Variants in PKIB observed in about 807,000 individuals in gnomAD.
PKIB encodes PKI-beta.
PKIB carries 2 observed loss-of-function variants against 4.5 expected under a neutral mutation model. The ratio of observed to expected loss-of-function variants is 0.44; its 90% confidence interval spans 0.18 to 1.39. The LOEUF is 1.39. PKIB is among the 40% of genes most tolerant of loss of function. The pLI is 0.27. For synonymous variants in PKIB, 38 were observed against 36.0 expected, an observed-to-expected ratio of 1.06 and a Z score of -0.20; for missense variants, 94 against 92.6, an observed-to-expected ratio of 1.02 and a Z score of -0.06.
chr6:122,512,565 C>G (rs1776616868), intron 2 of PKIB, among the ~76,000 whole-genome samples: 1 of 152,096 alleles, frequency 6.6e-6, no homozygotes, highest in African/African-American at 2.4e-5. Flanking sequence ...TCTTGGCTGG[C>G]ACTTCCACCT....
chr6:122,697,532 A>G (rs1282154603), intron 3 of PKIB, among the ~76,000 whole-genome samples: 1 of 151,998 alleles, frequency 6.6e-6, no homozygotes, highest in Non-Finnish European at 1.5e-5. Context: ...ATATATAACC[A>G]GTAAAAGCAA....
At chr6:122,707,025 A>C (rs1276618405) in intron 3 of PKIB, among the ~76,000 whole-genome samples, 1 of 152,052 alleles carries the variant, frequency 6.6e-6, no homozygotes, top group Non-Finnish European at 1.5e-5. Flanking sequence ...GTACTAAAGG[A>C]CTATAGTAAC....
At chr6:122,512,221 A>G (rs1776609028) in intron 2 of PKIB, among the ~76,000 whole-genome samples, 3 of 152,226 alleles carry the variant, frequency 2.0e-5, no homozygotes, top group African/African-American at 7.2e-5. Context: ...GAAAATGTCA[A>G]TACTTAAAAT....
intron 1 of PKIB, among the ~76,000 whole-genome samples, chr6:122,620,500 T>C (rs1775181273): frequency 6.6e-6 from 1 of 152,354 alleles, no homozygotes; most frequent in South Asian, 2.1e-4. Context: ...TTGTGTTGCT[T>C]GGTTTAACTT....
At chr6:122,703,447 T>C (rs1778915289) in intron 3 of PKIB, among the ~76,000 whole-genome samples, 1 of 152,110 alleles carries the variant, frequency 6.6e-6, no homozygotes, top group Non-Finnish European at 1.5e-5. Flanking sequence ...ACTACTGTTT[T>C]TATTTCAATT....
chr6:122,678,637 A>G (rs1293964961), intron 3 of PKIB, among the ~76,000 whole-genome samples: 1 of 152,156 alleles, frequency 6.6e-6, no homozygotes, highest in Non-Finnish European at 1.5e-5. Context: ...TGGGTACCAG[A>G]GATGTAAAAT....
At chr6:122,666,581 C>T (rs1777227368) in intron 2 of PKIB, among the ~76,000 whole-genome samples, 1 of 152,096 alleles carries the variant, frequency 6.6e-6, no homozygotes, top group African/African-American at 2.4e-5. Context: ...CTTGAGCTGC[C>T]CTCATGGGCG....
In PKIB at chr6:122,538,720, T is replaced by A. The variant is rs1466821785; in HGVS notation, c.-247-47201T>A. 2.0e-5 allele frequency among the ~76,000 whole-genome samples: 3 copies of A among 152,052 alleles called. 1 individual carries two copies. The highest frequency in any genetic ancestry group is 7.3e-5 in the African/African-American group (3 of 41,340). On this transcript the variant is annotated intron_variant, in intron 2 of 6. Transcript: ENST00000392491. Reference sequence around the variant, plus strand: ...GTTTTTTCCAATTCTGTGAAGAAAGTCATTGGTAGCTTGATGGGGATGGCA... The same window carrying A: ...GTTTTTTCCAATTCTGTGAAGAAAGACATTGGTAGCTTGATGGGGATGGCA...
intron 2 of PKIB, among the ~76,000 whole-genome samples, chr6:122,564,037 C>A (rs1379595255): frequency 1.3e-5 from 2 of 152,188 alleles, no homozygotes; most frequent in Non-Finnish European, 2.9e-5. Flanking sequence ...TGTAGTTTTA[C>A]CCTCACTTGG....
intron 2 of PKIB, among the ~76,000 whole-genome samples, chr6:122,511,516 A>T (rs1487329000): frequency 6.6e-6 from 1 of 152,048 alleles, no homozygotes; most frequent in African/African-American, 2.4e-5. Context: ...TCTTCACTGG[A>T]TTCTTTTGGG....
intron 3 of PKIB, among the ~76,000 whole-genome samples, chr6:122,597,929 A>G (rs1171052284): frequency 2.0e-5 from 3 of 152,204 alleles, no homozygotes; most frequent in African/African-American, 7.2e-5. Context: ...GGAGGAACAC[A>G]GTGACATTTT....
intron 2 of PKIB, among the ~76,000 whole-genome samples, chr6:122,581,463 A>C (rs978564402): frequency 6.6e-6 from 1 of 152,194 alleles, no homozygotes; most frequent in East Asian, 1.9e-4. Flanking sequence ...GAATTAATGC[A>C]AATTACTTGG....
At chr6:122,594,481 A>G (rs1774113665) in intron 3 of PKIB, among the ~76,000 whole-genome samples, 1 of 152,210 alleles carries the variant, frequency 6.6e-6, no homozygotes, top group Non-Finnish European at 1.5e-5. Context: ...CTGGGATTAG[A>G]GGCATGAACC....
chr6:122,708,035 G>T (rs1436069503), intron 3 of PKIB, among the ~76,000 whole-genome samples: 4 of 152,120 alleles, frequency 2.6e-5, no homozygotes, highest in Admixed American at 6.6e-5. Context: ...ATCAGGCATG[G>T]CTTTTGGTCC....
chr6:122,548,485 A>T (rs1000531572), intron 2 of PKIB, among the ~76,000 whole-genome samples: 1 of 152,230 alleles, frequency 6.6e-6, no homozygotes, highest in African/African-American at 2.4e-5. Flanking sequence ...AAGGACATCA[A>T]ATATTTATTC....
At chr6:122,474,894 T>C (rs1291133453) in intron 1 of PKIB, among the ~76,000 whole-genome samples, 1 of 152,214 alleles carries the variant, frequency 6.6e-6, no homozygotes, top group Admixed American at 6.5e-5. Flanking sequence ...ATCCTAGCCA[T>C]AGTAAAAATT....
intron 2 of PKIB, among the ~76,000 whole-genome samples, chr6:122,517,493 A>G (rs1776797506): frequency 6.6e-6 from 1 of 152,198 alleles, no homozygotes; most frequent in African/African-American, 2.4e-5. Flanking sequence ...GCGAAAGTCC[A>G]GAGGGAAAAT....
chr6:122,545,611 A>G (rs1328196549), intron 2 of PKIB, among the ~76,000 whole-genome samples: 1 of 150,988 alleles, frequency 6.6e-6, no homozygotes, highest in African/African-American at 2.4e-5. Flanking sequence ...ACCCACAAAT[A>G]GGGCCTGGTG....
At chr6:122,703,941 TAGAGAGAGAGAGAG>T (rs71021419) in intron 3 of PKIB, among the ~76,000 whole-genome samples, 1,768 of 90,758 alleles carry the variant, frequency 0.019, 33 homozygotes, top group African/African-American at 0.061. Flanking sequence ...TATATATATA[TAGAGAGAGAGAGAG>T]AGAGAGAGAG....
Sources: allele counts gnomAD v4.1 joint callset (sites outside exome capture counted in the v4.1 genomes callset), GRCh38; gene constraint gnomAD v4.1.1; transcripts MANE v1.5; gene names NCBI Gene and HGNC (gene_info 2026-07-23, HGNC 2026-07-21).